CRHR1: variants seen among roughly 807,000 people sequenced by gnomAD.
The protein encoded by CRHR1 is corticotropin-releasing hormone receptor 1.
CRHR1 carries 28 observed loss-of-function variants against 56.0 expected under a neutral mutation model. That is an observed-to-expected ratio of 0.50 (90% confidence interval 0.37 to 0.69). The LOEUF (loss-of-function observed/expected upper bound fraction) is 0.69, where lower values mean the gene tolerates loss of function less well. Among genes scored for constraint, CRHR1 ranks in the 30% least tolerant of loss-of-function variants. CRHR1 has a pLI of 0.00. For missense variants in CRHR1, 376 were observed against 548.0 expected, an observed-to-expected ratio of 0.69 and a Z score of 3.13; for synonymous variants, 195 against 216.5, an observed-to-expected ratio of 0.90 and a Z score of 0.87.
chr17:45,784,627 C>A lies in CRHR1; in HGVS notation c.33+50C>A, dbSNP rs1203424499. On this transcript the variant is annotated intron_variant, in intron 1 of 12. Coordinates refer to ENST00000314537, the MANE Select transcript of CRHR1 (RefSeq NM_004382.5). This position sits in a 1 kb window ranked among gnomAD's most constrained non-coding sequence, Gnocchi z 4.2. ...GAGCGCTGGCGCCCCCGGCCCCTGG[C>A]GGACGCGGGACGGGGCTGGGCTGTG... is the stretch of plus-strand genomic sequence containing the variant. The A allele has an allele frequency of 6.6e-7, 1 of 1,524,256 alleles. No homozygotes were observed. The highest frequency in any genetic ancestry group is 8.8e-7 in the Non-Finnish European group (1 of 1,134,102). The allele number at this position is 1,524,256 out of a possible 1,614,324, so 94.4% of individuals were successfully genotyped here.
rs12935914 is a variant in CRHR1 at position 45,791,833 on chromosome 17, T to C, written c.33+7256T>C. Among the ~76,000 whole-genome samples, 717 of 127,136 alleles carry C rather than the reference T, an allele frequency of 5.6e-3. 2 individuals are homozygous for C. Among genetic ancestry groups the C allele is most frequent in the Non-Finnish European group, 8.7e-3 (527 of 60,596 alleles). The allele number at this position is 127,136 out of a possible 152,430, so 83.4% of individuals were successfully genotyped here. On this transcript the variant is annotated intron_variant, in intron 1 of 12. Transcript: ENST00000314537. The stretch of plus-strand genomic sequence containing the variant: ...TGGGCATTTTTTTCTCTCTCTCTCT[T>C]TCTCTCTCTCTCTCTCTCTCACACA...
intron 8 of CRHR1, 70 bp downstream of exon 8, chr17:45,831,010 C>T (rs187969491): frequency 7.6e-5 from 110 of 1,446,778 alleles, no homozygotes; most frequent in African/African-American, 9.8e-5. Context: ...ACACTCCCCA[C>T]GGGCATTGGC....
intron 8 of CRHR1, among the ~76,000 whole-genome samples, chr17:45,832,124 G>A (rs1045255039): frequency 5.3e-5 from 8 of 152,216 alleles, no homozygotes; most frequent in Admixed American, 2.0e-4. Flanking sequence ...CCAGCTACTC[G>A]GGAAGGCTGA....
chr17:45,815,011 C>G (rs1370813722), intron 2 of CRHR1, among the ~76,000 whole-genome samples: 1 of 152,242 alleles, frequency 6.6e-6, no homozygotes, highest in Non-Finnish European at 1.5e-5. Context: ...CTGAGTCCAG[C>G]AGAGAAAGGG....
chr17:45,791,852 TCACACACACA>T (rs59855327), intron 1 of CRHR1, among the ~76,000 whole-genome samples: 34 of 121,092 alleles, frequency 2.8e-4, no homozygotes, highest in Non-Finnish European at 4.4e-4. Context: ...TCTCTCTCTC[TCACACACACA>T]CACACACACA....
chr17:45,799,065 C>G (rs956815226), intron 1 of CRHR1, among the ~76,000 whole-genome samples: 7 of 152,302 alleles, frequency 4.6e-5, no homozygotes, highest in African/African-American at 1.7e-4. Flanking sequence ...CCTGGGCAGT[C>G]AAGAGGGCTG....
intron 2 of CRHR1, among the ~76,000 whole-genome samples, chr17:45,812,347 C>CA (rs1347003301): frequency 6.6e-6 from 1 of 152,224 alleles, no homozygotes; most frequent in East Asian, 1.9e-4. Context: ...AGGGAGCTGT[C>CA]AGGAGGCGTT....
intron 3 of CRHR1, among the ~76,000 whole-genome samples, chr17:45,819,473 G>A (rs2061996757): frequency 8.0e-6 from 1 of 124,470 alleles, no homozygotes; most frequent in Admixed American, 9.2e-5. Flanking sequence ...GCCCCTTCCA[G>A]CCGGATCTCT....
intron 1 of CRHR1, among the ~76,000 whole-genome samples, chr17:45,792,828 C>G (rs2061450735): frequency 6.6e-6 from 1 of 152,212 alleles, no homozygotes; most frequent in South Asian, 2.1e-4. Context: ...TAACCAGATT[C>G]CACATGGACC....
Position 45,818,233 on chromosome 17 carries a change from G to A in CRHR1, c.241+1651G>A, listed in dbSNP as rs566875495. Among the ~76,000 whole-genome samples the A allele has an allele frequency of 3.9e-5, 6 of 152,348 alleles. No individual in the cohort carries two copies. In the South Asian group the frequency reaches 8.3e-4, roughly 21 times the overall value. On this transcript the variant is annotated intron_variant, in intron 3 of 12. Coordinates refer to ENST00000314537, the MANE Select transcript of CRHR1 (RefSeq NM_004382.5). ...TGGAACCCACTCTTGTGTGGCCTCC[G>A]TGTTCAGGCTGCTGGGTGGGGCCGG...
Position 45,833,771 on chromosome 17 carries a change from G to A in CRHR1, c.987G>A (p.Leu329=). ...CCCTCCTGGGCATCACCTACATGCTGTTCTTCGTCAATCCCGGGGAGGATG... is the reference window on the plus strand; with the variant it reads ...CCCTCCTGGGCATCACCTACATGCTATTCTTCGTCAATCCCGGGGAGGATG... ...LLPLLGITYM[L]FFVNPGEDEV... The change falls in exon 11 of 13, where the codon CTG becomes CTA. Residue 329 remains leucine, a synonymous_variant. Coordinates refer to ENST00000314537, the MANE Select transcript of CRHR1 (RefSeq NM_004382.5). The A allele has an allele frequency of 1.9e-6, 3 of 1,610,430 alleles. No individual in the cohort carries two copies. The highest frequency in any genetic ancestry group is 1.7e-6 in the Non-Finnish European group (2 of 1,178,528).
chr17:45,821,514 C>G, intron 4 of CRHR1, 74 bp downstream of exon 4: 1 of 1,383,610 alleles, frequency 7.2e-7, no homozygotes, highest in East Asian at 2.3e-5. Context: ...GTGCCTGCTA[C>G]TTGGAGTCAG....
chr17:45,829,074 T>C (rs2062232118), intron 4 of CRHR1, 141 bp from the exon 5 acceptor site: 6 of 663,992 alleles, frequency 9.0e-6, no homozygotes, highest in Non-Finnish European at 1.6e-5. Flanking sequence ...CAGCGAGGCC[T>C]GACCCTCAGC....
chr17:45,803,775 TGC>T (rs1232847421), intron 1 of CRHR1, among the ~76,000 whole-genome samples: 260 of 150,440 alleles, frequency 1.7e-3, no homozygotes, highest in African/African-American at 6.0e-3. Flanking sequence ...TGTGTGTGTG[TGC>T]GTGCGCGTGC....
In CRHR1 at chr17:45,791,873, C is replaced by G. The variant is rs58087226; in HGVS notation, c.33+7296C>G. On this transcript the variant is annotated intron_variant, in intron 1 of 12. Coordinates refer to ENST00000314537, the MANE Select transcript of CRHR1 (RefSeq NM_004382.5). ...TCTCTCACACACACACACACACACA[C>G]ACACACACACACGCTGGTACCCTGG... is the stretch of plus-strand genomic sequence containing the variant. Among the ~76,000 whole-genome samples, 298 of 151,982 alleles carry G rather than the reference C, an allele frequency of 2.0e-3. 1 individual carries two copies. The highest frequency in any genetic ancestry group is 6.7e-3 in the African/African-American group (276 of 41,406).
At chr17:45,808,127 G>A (rs922951015) in intron 2 of CRHR1, among the ~76,000 whole-genome samples, 3 of 152,344 alleles carry the variant, frequency 2.0e-5, no homozygotes, top group African/African-American at 7.2e-5. Flanking sequence ...CCCACGCAGG[G>A]CACTGGGGGA....
intron 1 of CRHR1, among the ~76,000 whole-genome samples, chr17:45,789,923 T>C (rs574711323): frequency 5.9e-5 from 9 of 152,362 alleles, no homozygotes; most frequent in Admixed American, 1.3e-4. Context: ...TGTGAAATTA[T>C]GCACAGTTGC....
intron 2 of CRHR1, among the ~76,000 whole-genome samples, chr17:45,807,549 T>C (rs1053606053): frequency 1.3e-5 from 2 of 152,196 alleles, no homozygotes; most frequent in Non-Finnish European, 2.9e-5. Flanking sequence ...ACTGGAGCTG[T>C]ATTAACCCAA....
intron 1 of CRHR1, among the ~76,000 whole-genome samples, chr17:45,794,830 C>A (rs1001011889): frequency 1.3e-5 from 2 of 152,218 alleles, no homozygotes; most frequent in Non-Finnish European, 2.9e-5. Flanking sequence ...GTAAAGGAAT[C>A]CCACTTCTCC....
Sources: allele counts gnomAD v4.1 joint callset (sites outside exome capture counted in the v4.1 genomes callset), GRCh38; gene constraint gnomAD v4.1.1; non-coding constraint Gnocchi (gnomAD v3.1); transcripts MANE v1.5; gene names NCBI Gene and HGNC (gene_info 2026-07-23, HGNC 2026-07-21).